The following MAP3K3 variants were observed in gnomAD, a reference collection of about 807,000 sequenced individuals.
MAP3K3 encodes mitogen-activated protein kinase kinase kinase 3.
MAP3K3 carries 12 observed loss-of-function variants against 80.9 expected under a neutral mutation model. That is an observed-to-expected ratio of 0.15 (90% CI 0.10 to 0.24). The LOEUF (loss-of-function observed/expected upper bound fraction) is 0.24, where lower values mean the gene tolerates loss of function less well. Ranked by LOEUF, MAP3K3 falls within the 10% of genes least tolerant of loss-of-function variation. MAP3K3 has a pLI of 1.00. For missense variants in MAP3K3, 596 were observed against 834.7 expected, an observed-to-expected ratio of 0.71 and a Z score of 3.52; for synonymous variants, 272 against 307.1, an observed-to-expected ratio of 0.89 and a Z score of 1.19.
At chr17:63,665,898 A>T (rs184550306) in intron 5 of MAP3K3, among the ~76,000 whole-genome samples, 1 of 152,140 alleles carries the variant, frequency 6.6e-6, no homozygotes, top group Non-Finnish European at 1.5e-5. Flanking sequence ...CAGGATATAG[A>T]GTTTGTTTAG....
chr17:63,689,965 A>G lies in MAP3K3; in HGVS notation c.1063+230A>G. 1 of 584,008 alleles carries G rather than the reference A, an allele frequency of 1.7e-6. No individual in the cohort carries two copies. The highest frequency in any genetic ancestry group is 3.0e-6 in the Non-Finnish European group (1 of 331,834). The allele number at this position is 584,008 out of a possible 1,614,324, so 36.2% of individuals were successfully genotyped here. On this transcript the variant is annotated intron_variant, in intron 11 of 15. Coordinates refer to ENST00000361733, the MANE Select transcript of MAP3K3 (RefSeq NM_002401.5). The surrounding 1 kb of genome is among the most constrained non-coding windows in gnomAD (Gnocchi z 4.3). ...TTCCATGTTTAAACTAGGGAAGAGC[A>G]CACCCTTCATCCCTGCCATATTAAG...
rs757202721 is a variant in MAP3K3, at chr17:63,694,634, C to T, written c.*857C>T. 1 of 152,738 alleles carries T rather than the reference C, an allele frequency of 6.5e-6. No homozygotes were observed. The highest frequency in any genetic ancestry group is 1.5e-5 in the Non-Finnish European group (1 of 68,120). 9.5% of individuals were successfully genotyped at this position (152,738 alleles called of 1,614,324 possible). A position where few individuals can be genotyped will look rare whatever the true frequency, so the allele number is the denominator to read the frequency against. On this transcript the variant is annotated 3_prime_UTR_variant, in exon 16 of 16. Transcript: ENST00000361733. ...AGAGCTGAAGGTTGTGGCCTTTGCG[C>T]TCCTGGCCCAGCCTTTGTTCCCCAC...
Position 63,692,256 on chromosome 17 carries a change from C to G in MAP3K3, c.1489C>G (p.Arg497Gly). 1 of 1,613,954 alleles carries G rather than the reference C, an allele frequency of 6.2e-7. No homozygotes were observed. The highest frequency in any genetic ancestry group is 8.5e-7 in the Non-Finnish European group (1 of 1,179,992). The change falls in exon 15 of 16, where the codon CGA becomes GGA. Residue 497 changes from arginine to glycine, a missense_variant. Around this residue, in one of 2 missense-constraint regions of MAP3K3, gnomAD observed 364 missense variants for 588.9 expected, o/e 0.62. Coordinates refer to ENST00000361733, the MANE Select transcript of MAP3K3 (RefSeq NM_002401.5). This position sits in a 1 kb window ranked among gnomAD's most constrained non-coding sequence, Gnocchi z 4.5. ...TCATGCCTCAGGAGCCAACATCCTC[C>G]GAGACTCTGCTGGGAATGTAAAGCT... is the stretch of plus-strand genomic sequence containing the variant. ...HRDIKGANIL[R>G]DSAGNVKLGD...
chr17:63,636,901 G>T (rs1236684252), intron 2 of MAP3K3: 3 of 477,470 alleles, frequency 6.3e-6, no homozygotes, highest in Non-Finnish European at 1.2e-5. Flanking sequence ...GACCAATATA[G>T]CCCAATTGGA....
In MAP3K3 at chr17:63,692,337, A is replaced by G. The variant is rs200968266; in HGVS notation, c.1570A>G (p.Met524Val). 2.1e-5 allele frequency: 34 copies of G among 1,613,904 alleles called. No individual in the cohort carries two copies. In the Admixed American group the frequency reaches 5.3e-4, roughly 25 times the overall value. ...LQTICMSGTG[M>V]RSVTGTPYWM... is the part of the protein sequence containing the mutation. The stretch of plus-strand genomic sequence containing the variant: ...GACGATCTGTATGTCGGGGACGGGC[A>G]TGCGCTCCGTCACTGGCACACCCTA... Residue 524 changes from methionine to valine, a missense_variant, in exon 15 of 16, where the codon ATG (methionine) becomes GTG (valine). Around this residue, in one of 2 missense-constraint regions of MAP3K3, gnomAD observed 364 missense variants for 588.9 expected, o/e 0.62. Coordinates refer to ENST00000361733, the MANE Select transcript of MAP3K3 (RefSeq NM_002401.5). This position sits in a 1 kb window ranked among gnomAD's most constrained non-coding sequence, Gnocchi z 4.5.
At chr17:63,642,735 G>A (rs566849672) in intron 2 of MAP3K3, among the ~76,000 whole-genome samples, 6 of 151,990 alleles carry the variant, frequency 3.9e-5, no homozygotes, top group Admixed American at 6.6e-5. Flanking sequence ...TTTTAACCTC[G>A]TTTTTTTGTT....
intron 5 of MAP3K3, among the ~76,000 whole-genome samples, chr17:63,665,035 G>A (rs1332295069): frequency 1.3e-5 from 2 of 152,066 alleles, no homozygotes; most frequent in Admixed American, 6.5e-5. Context: ...GGGCATGGTC[G>A]CTCACCCCTG....
At chr17:63,630,410 C>T (rs2034191838) in intron 1 of MAP3K3, among the ~76,000 whole-genome samples, 1 of 152,144 alleles carries the variant, frequency 6.6e-6, no homozygotes, top group Admixed American at 6.6e-5. Context: ...TCACTGCAGC[C>T]TCAACCTCCT....
At position 63,694,142 on chromosome 17, in the gene MAP3K3, G is replaced by C. The variant is rs2035646944; in HGVS notation, c.*365G>C. 1 of 205,428 alleles carries C rather than the reference G, an allele frequency of 4.9e-6. No homozygotes were observed. Among genetic ancestry groups the C allele is most frequent in the African/African-American group, 2.3e-5 (1 of 43,322 alleles). 12.7% of individuals were successfully genotyped at this position (205,428 alleles called of 1,614,324 possible). On this transcript the variant is annotated 3_prime_UTR_variant, in exon 16 of 16. Transcript: ENST00000361733. ...CTGGGGGCACAAGACTGACGCCAGG[G>C]TATGAAGAGTGTTATTTTCATTCAA...
chr17:63,626,570 C>T (rs1333403284), intron 1 of MAP3K3, among the ~76,000 whole-genome samples: 2 of 152,178 alleles, frequency 1.3e-5, no homozygotes, highest in South Asian at 2.1e-4. Context: ...AACAGAAAAA[C>T]GCCAGCATTT....
rs1468873226 is a variant in MAP3K3, at chr17:63,689,047, G to T, written c.871+166G>T. On this transcript the variant is annotated intron_variant, in intron 10 of 15. Transcript: ENST00000361733. The surrounding 1 kb of genome is among the most constrained non-coding windows in gnomAD (Gnocchi z 4.3). ...AGGAAAAAAACAAAAACAAAAACAG[G>T]GAAGATAGTATTTGTAGACCAGATG... 1.6e-6 allele frequency: 1 copy of T among 612,930 alleles called. No individual in the cohort carries two copies. Among genetic ancestry groups the T allele is most frequent in the Non-Finnish European group, 2.9e-6 (1 of 345,856 alleles). The allele number at this position is 612,930 out of a possible 1,614,324, so 38.0% of individuals were successfully genotyped here. A position where few individuals can be genotyped will look rare whatever the true frequency, so the allele number is the denominator to read the frequency against.
intron 2 of MAP3K3, among the ~76,000 whole-genome samples, chr17:63,637,685 G>C (rs927181643): frequency 1.3e-5 from 2 of 152,156 alleles, no homozygotes; most frequent in Non-Finnish European, 1.5e-5. Flanking sequence ...CTCTTTATGG[G>C]ATTATCATTA....
At chr17:63,664,113 A>G (rs1309999610) in intron 5 of MAP3K3, among the ~76,000 whole-genome samples, 1 of 151,208 alleles carries the variant, frequency 6.6e-6, no homozygotes, top group Non-Finnish European at 1.5e-5. Flanking sequence ...CGGGCGTGGT[A>G]GCGGGCGCCT....
chr17:63,638,877 T>G (rs1047157251), intron 2 of MAP3K3, among the ~76,000 whole-genome samples: 1 of 152,016 alleles, frequency 6.6e-6, no homozygotes, highest in Admixed American at 6.6e-5. Flanking sequence ...AATACAAAAA[T>G]TAGCTGGGCA....
At chr17:63,678,710 C>A (rs903419772) in intron 6 of MAP3K3, among the ~76,000 whole-genome samples, 2 of 152,208 alleles carry the variant, frequency 1.3e-5, no homozygotes, top group Non-Finnish European at 2.9e-5. Context: ...ATGTTCTGAA[C>A]AACTGACTTA....
At chr17:63,652,466 G>A (rs2034676349) in intron 3 of MAP3K3, 91 bp from the exon 4 acceptor site, 1 of 822,728 alleles carries the variant, frequency 1.2e-6, no homozygotes. Flanking sequence ...CCTATGTTGA[G>A]AAGAAAGGAA....
At chr17:63,645,438 G>A (rs1336641489) in intron 2 of MAP3K3, among the ~76,000 whole-genome samples, 1 of 152,206 alleles carries the variant, frequency 6.6e-6, no homozygotes, top group Non-Finnish European at 1.5e-5. Context: ...GCTTTGGGAG[G>A]GTTTTGGGAA....
At chr17:63,661,830 G>A (rs1470560530) in intron 5 of MAP3K3, among the ~76,000 whole-genome samples, 5 of 152,130 alleles carry the variant, frequency 3.3e-5, no homozygotes, top group Non-Finnish European at 7.4e-5. Flanking sequence ...TGGGCCGGGC[G>A]CGGTGGCTCA....
chr17:63,645,947 T>C, intron 2 of MAP3K3, 87 bp from the exon 3 acceptor site: 1 of 1,028,824 alleles, frequency 9.7e-7, no homozygotes, highest in Non-Finnish European at 1.5e-6. Flanking sequence ...CTAATGTTGC[T>C]AACGAACTGC....
Sources: allele counts gnomAD v4.1 joint callset (sites outside exome capture counted in the v4.1 genomes callset), GRCh38; gene constraint gnomAD v4.1.1; regional missense constraint gnomAD v4.1.1; non-coding constraint Gnocchi (gnomAD v3.1); transcripts MANE v1.5; gene names NCBI Gene and HGNC (gene_info 2026-07-23, HGNC 2026-07-21).